Variants in RIC8B observed in about 807,000 individuals in gnomAD.
The protein encoded by RIC8B is chaperone Ric-8B.
Under a neutral mutation model 57.5 loss-of-function variants are expected in RIC8B, and 16 were observed. The ratio of observed to expected loss-of-function variants is 0.28; its 90% CI spans 0.19 to 0.42. The LOEUF (loss-of-function observed/expected upper bound fraction) is 0.42, where lower values mean the gene tolerates loss of function less well. Ranked by LOEUF, RIC8B falls within the 10% of genes least tolerant of loss-of-function variation. RIC8B has a pLI of 1.00. For missense variants in RIC8B, 481 were observed against 677.0 expected (o/e 0.71, Z 3.21); for synonymous variants, 216 against 250.8 (o/e 0.86, Z 1.31).
At chr12:106,808,646 G>A (rs1593161684) in intron 2 of RIC8B, among the ~76,000 whole-genome samples, 1 of 152,060 alleles carries the variant, frequency 6.6e-6, no homozygotes, top group African/African-American at 2.4e-5. Flanking sequence ...CTCACCTTAT[G>A]TACCTATCTC....
At chr12:106,775,044 T>G in intron 1 of RIC8B, 2 of 546,824 alleles carry the variant, frequency 3.7e-6, no homozygotes, top group East Asian at 3.1e-5. Flanking sequence ...ACTCCTCTGA[T>G]TCCTGGCCCA....
chr12:106,806,176 A>T (rs886559943), intron 2 of RIC8B, among the ~76,000 whole-genome samples: 4 of 151,952 alleles, frequency 2.6e-5, no homozygotes, highest in Non-Finnish European at 5.9e-5. Flanking sequence ...CGAACTCCCG[A>T]CCTCAGGTGA....
chr12:106,842,706 T>C lies in RIC8B; in HGVS notation c.954T>C (p.Asn318=), dbSNP rs1161350417. 1.2e-6 allele frequency: 2 copies of C among 1,613,938 alleles called. No homozygotes were observed. Among genetic ancestry groups the C allele is most frequent in the African/African-American group, 2.7e-5 (2 of 75,040 alleles). ...CGACTCTAGATGAACTGCCCAGTAA[T>C]AAAACAGCTGAGAAAGAAACAGTTT... ...EATTLDELPS[N]KTAEKETVLK... is the part of the protein sequence containing the mutation. Residue 318 remains asparagine, a synonymous_variant, in exon 5 of 10, where the codon AAT becomes AAC. Transcript: ENST00000392837.
chr12:106,785,426 C>T (rs1219468048), intron 2 of RIC8B, among the ~76,000 whole-genome samples: 1 of 152,080 alleles, frequency 6.6e-6, no homozygotes, highest in African/African-American at 2.4e-5. Flanking sequence ...TCTCATAATA[C>T]TCTATATAAA....
intron 2 of RIC8B, among the ~76,000 whole-genome samples, chr12:106,798,755 C>A (rs2044602320): frequency 6.6e-6 from 1 of 152,056 alleles, no homozygotes; most frequent in Non-Finnish European, 1.5e-5. Flanking sequence ...CTCTTTTTTG[C>A]CACTTAGTCT....
rs565103387 is a variant in RIC8B, at chr12:106,839,679, T to TA, written c.837-2909dup. ...AGAATGTTGCTAAGGGAATAGGTCT[T>TA]ACGTTAAGTGCTCTTACCACAAAAG... On this transcript the variant is annotated intron_variant, in intron 4 of 9. Transcript: ENST00000392837. Among the ~76,000 whole-genome samples the TA allele has an allele frequency of 8.3e-4, 126 of 152,326 alleles. 2 individuals carry two copies. The South Asian group carries it at 0.015, about 18-fold the overall frequency.
At chr12:106,785,801 C>T (rs1037343441) in intron 2 of RIC8B, among the ~76,000 whole-genome samples, 4 of 125,622 alleles carry the variant, frequency 3.2e-5, no homozygotes, top group Non-Finnish European at 6.7e-5. Context: ...CTCTCTCTCT[C>T]TCTCTCTCTC....
chr12:106,838,480 A>G (rs2046716330), intron 4 of RIC8B, among the ~76,000 whole-genome samples: 1 of 151,280 alleles, frequency 6.6e-6, no homozygotes, highest in East Asian at 1.9e-4. Flanking sequence ...TGAGGCTGTA[A>G]TGAGCTGTGA....
chr12:106,846,264 C>T (rs1322448935), intron 6 of RIC8B, among the ~76,000 whole-genome samples: 1 of 152,214 alleles, frequency 6.6e-6, no homozygotes, highest in Admixed American at 6.5e-5. Context: ...TCCCTCCAAC[C>T]TATTTCTTCC....
intron 2 of RIC8B, among the ~76,000 whole-genome samples, chr12:106,791,409 G>A (rs3782707): frequency 0.19 from 28,809 of 152,020 alleles, 2,937 homozygotes; most frequent in East Asian, 0.32. Flanking sequence ...AGTTATAAGC[G>A]AAGGACTAAT....
At chr12:106,788,645 T>C (rs995353508) in intron 2 of RIC8B, among the ~76,000 whole-genome samples, 1 of 152,234 alleles carries the variant, frequency 6.6e-6, no homozygotes, top group Non-Finnish European at 1.5e-5. Context: ...CTAGGGCTTG[T>C]ACCCCCTGAA....
rs143481812 is a variant in RIC8B at position 106,803,677 on chromosome 12, T to C, written c.133-11019T>C. Among the ~76,000 whole-genome samples, 58 of 152,364 alleles carry C rather than the reference T, an allele frequency of 3.8e-4. No homozygotes were observed. In the East Asian group the frequency reaches 5.0e-3, roughly 13 times the overall value. On this transcript the variant is annotated intron_variant, in intron 2 of 9. Transcript: ENST00000392837. ...TATTCTAAATTAATCTATTCATCTT[T>C]ATCTGAGTTTCACCAACTCATAGTA... is the stretch of plus-strand genomic sequence containing the variant.
chr12:106,789,382 G>A (rs748321104), intron 2 of RIC8B, among the ~76,000 whole-genome samples: 9 of 151,952 alleles, frequency 5.9e-5, no homozygotes, highest in African/African-American at 1.5e-4. Flanking sequence ...CCATATTTTC[G>A]GGTATCTTTT....
chr12:106,845,755 T>G (rs1383377785), intron 6 of RIC8B, among the ~76,000 whole-genome samples: 1 of 152,146 alleles, frequency 6.6e-6, no homozygotes, highest in Non-Finnish European at 1.5e-5. Context: ...CTGTACTCAC[T>G]CTCTCTATTC....
chr12:106,812,313 A>C (rs2045369902), intron 2 of RIC8B, among the ~76,000 whole-genome samples: 1 of 152,110 alleles, frequency 6.6e-6, no homozygotes, highest in South Asian at 2.1e-4. Context: ...AATCTCTTTC[A>C]TGTCCCAGAG....
At chr12:106,880,360 A>C (rs1237187245) in intron 9 of RIC8B, among the ~76,000 whole-genome samples, 1 of 152,188 alleles carries the variant, frequency 6.6e-6, no homozygotes, top group Non-Finnish European at 1.5e-5. Context: ...CTTTTTAAAT[A>C]GATCAAAATT....
At chr12:106,805,915 A>C (rs1411874225) in intron 2 of RIC8B, among the ~76,000 whole-genome samples, 1 of 151,862 alleles carries the variant, frequency 6.6e-6, no homozygotes, top group Non-Finnish European at 1.5e-5. Context: ...TTCACCTCCC[A>C]GTTACTCTTC....
chr12:106,860,419 T>C lies in RIC8B; in HGVS notation c.1451+7T>C. The C allele has an allele frequency of 1.3e-6, 2 of 1,531,482 alleles. No homozygotes were observed. Among genetic ancestry groups the C allele is most frequent in the Non-Finnish European group, 1.8e-6 (2 of 1,138,242 alleles). The allele number at this position is 1,531,482 out of a possible 1,614,324, so 94.9% of individuals were successfully genotyped here. ...ACAAAAATGCAAAACCAAAGTATAG[T>C]ATCAAATTTCTTTTCACCTAACTAT... On this transcript the variant is annotated splice_region_variant and intron_variant, in intron 8 of 9. Coordinates refer to ENST00000392837, the MANE Select transcript of RIC8B (RefSeq NM_001330145.2).
At chr12:106,857,052 T>G (rs746286978) in intron 7 of RIC8B, among the ~76,000 whole-genome samples, 15 of 152,296 alleles carry the variant, frequency 9.8e-5, no homozygotes, top group Non-Finnish European at 1.8e-4. Context: ...GAGACAAGTT[T>G]GGAAAAGACA....
Sources: allele counts gnomAD v4.1 joint callset (sites outside exome capture counted in the v4.1 genomes callset), GRCh38; gene constraint gnomAD v4.1.1; transcripts MANE v1.5; gene names NCBI Gene and HGNC (gene_info 2026-07-23, HGNC 2026-07-21).